Variants in SLC1A6 observed in about 807,000 individuals in gnomAD.
The protein encoded by SLC1A6 is solute carrier family 1 member 6.
In SLC1A6, 15 loss-of-function variants were observed where a neutral mutation model predicts 42.1. That is an observed-to-expected ratio of 0.36 (90% CI 0.24 to 0.55). The LOEUF is 0.55. Among genes scored for constraint, SLC1A6 ranks in the 20% least tolerant of loss-of-function variants. The pLI is 0.88. For synonymous variants in SLC1A6, 317 were observed against 319.7 expected, an observed-to-expected ratio of 0.99 and a Z score of 0.09; for missense variants, 542 against 772.5, an observed-to-expected ratio of 0.70 and a Z score of 3.54.
chr19:14,978,967 C>T (rs1019504805), intron 1 of SLC1A6, among the ~76,000 whole-genome samples: 50 of 151,056 alleles, frequency 3.3e-4, no homozygotes, highest in African/African-American at 1.0e-3. Flanking sequence ...CTTTCAAAAT[C>T]ATCCTCACAT....
At chr19:14,990,753 G>T (rs970462021) in intron 1 of SLC1A6, among the ~76,000 whole-genome samples, 7 of 147,694 alleles carry the variant, frequency 4.7e-5, no homozygotes, top group Admixed American at 6.9e-5. Flanking sequence ...TGGGCAACAA[G>T]AGTGAGACTC....
chr19:14,985,162 G>A (rs963663921), intron 1 of SLC1A6, among the ~76,000 whole-genome samples: 1 of 152,166 alleles, frequency 6.6e-6, no homozygotes, highest in East Asian at 1.9e-4. Context: ...GATTACAGGC[G>A]TAAAAAGTGC....
chr19:14,961,037 A>C (rs992521693), intron 6 of SLC1A6, among the ~76,000 whole-genome samples: 1 of 149,134 alleles, frequency 6.7e-6, no homozygotes, highest in Non-Finnish European at 1.5e-5. Flanking sequence ...TCAGCCTCCC[A>C]AGCAGCTGGG....
intron 3 of SLC1A6, among the ~76,000 whole-genome samples, chr19:14,970,499 CAGG>C (rs1445692345): frequency 6.6e-6 from 1 of 151,722 alleles, no homozygotes; most frequent in Non-Finnish European, 1.5e-5. Flanking sequence ...ATCACGAGGT[CAGG>C]AGATCGAGAC....
chr19:15,004,537 T>TAAA (rs1201036213), intron 1 of SLC1A6, among the ~76,000 whole-genome samples: 1 of 15,260 alleles, frequency 6.6e-5, no homozygotes. Context: ...ACCTCACCTC[T>TAAA]ACAAAAAAAA....
Position 14,971,734 on chromosome 19 carries a change from C to A in SLC1A6, c.343+3G>T. 6.2e-7 allele frequency: 1 copy of A among 1,613,832 alleles called. No individual in the cohort carries two copies. ...AGGCCAACACTGGCCTGGGCTCTCTCACCTGTGACCAGGCTGGAGACAATG... is the reference window on the plus strand; with the variant it reads ...AGGCCAACACTGGCCTGGGCTCTCTAACCTGTGACCAGGCTGGAGACAATG... On this transcript the variant is annotated splice_donor_region_variant and intron_variant, in intron 3 of 9. Transcript: ENST00000594383.
At chr19:15,004,166 A>T (rs1359345204) in intron 1 of SLC1A6, among the ~76,000 whole-genome samples, 1 of 152,158 alleles carries the variant, frequency 6.6e-6, no homozygotes, top group Non-Finnish European at 1.5e-5. Context: ...TAAAAAAATT[A>T]ATAATGCATA....
chr19:14,959,213 T>C (rs550160764), intron 6 of SLC1A6, among the ~76,000 whole-genome samples: 8 of 152,364 alleles, frequency 5.3e-5, no homozygotes, highest in Non-Finnish European at 1.2e-4. Flanking sequence ...GGAATGTTAT[T>C]ACTTTTCTAA....
Position 14,972,804 on chromosome 19 carries a change from C to CGCA in SLC1A6, c.104_106dup (p.Leu35dup). On this transcript the variant is annotated inframe_insertion, in exon 2 of 10. Coordinates refer to ENST00000594383, the MANE Select transcript of SLC1A6 (RefSeq NM_005071.3). ...CATGGTCTGCAGGCGCAGGCGCGTGCGCAGTGCTCTCTGCTGCAGGCTTTC... is the reference window on the plus strand; with the variant it reads ...CATGGTCTGCAGGCGCAGGCGCGTGCGCAGCAGTGCTCTCTGCTGCAGGCTTTC... 1 of 1,612,580 alleles carries CGCA rather than the reference C, an allele frequency of 6.2e-7. No homozygotes were observed.
At chr19:14,985,151 G>A (rs1160400384) in intron 1 of SLC1A6, among the ~76,000 whole-genome samples, 1 of 152,180 alleles carries the variant, frequency 6.6e-6, no homozygotes, top group Non-Finnish European at 1.5e-5. Context: ...CGAAGTGCTG[G>A]GATTACAGGC....
intron 1 of SLC1A6, chr19:14,974,079 A>C (rs1470697605): frequency 6.6e-6 from 1 of 152,226 alleles, no homozygotes; most frequent in Non-Finnish European, 1.5e-5. Flanking sequence ...GTACCGAACC[A>C]GGCGTGGTGG....
upstream of SLC1A6, among the ~76,000 whole-genome samples, chr19:14,981,496 G>A (rs1354246146): frequency 6.6e-6 from 1 of 152,020 alleles, no homozygotes; most frequent in Non-Finnish European, 1.5e-5. Flanking sequence ...TTCTCACTCC[G>A]CTGCTTCAGT....
intron 1 of SLC1A6, among the ~76,000 whole-genome samples, chr19:14,976,385 A>G (rs2045711289): frequency 6.6e-6 from 1 of 152,210 alleles, no homozygotes; most frequent in South Asian, 2.1e-4. Context: ...TTCTTGCTAC[A>G]TTGTTGATTA....
chr19:15,007,964 G>A (rs2045903757), intron 1 of SLC1A6, among the ~76,000 whole-genome samples: 1 of 151,858 alleles, frequency 6.6e-6, no homozygotes, highest in African/African-American at 2.4e-5. Flanking sequence ...AGCAGAGGTT[G>A]CAGTGAGTCG....
chr19:14,999,413 G>A (rs988111940), intron 1 of SLC1A6, among the ~76,000 whole-genome samples: 16 of 152,032 alleles, frequency 1.1e-4, no homozygotes, highest in African/African-American at 2.2e-4. Flanking sequence ...TTTCTGAGTC[G>A]ACCCAATGTA....
chr19:14,996,425 T>C (rs958164140), intron 1 of SLC1A6, among the ~76,000 whole-genome samples: 13 of 152,022 alleles, frequency 8.6e-5, no homozygotes, highest in African/African-American at 2.9e-4. Flanking sequence ...CACTTAGAAA[T>C]ATATACATTA....
chr19:14,994,490 AC>A (rs2045835689), intron 1 of SLC1A6, among the ~76,000 whole-genome samples: 1 of 151,878 alleles, frequency 6.6e-6, no homozygotes, highest in Admixed American at 6.6e-5. Context: ...ACCCCCTACC[AC>A]ACCTTGACCC....
intron 1 of SLC1A6, among the ~76,000 whole-genome samples, chr19:14,993,628 G>T (rs1294922264): frequency 1.2e-4 from 18 of 152,106 alleles, no homozygotes; most frequent in Admixed American, 1.2e-3. Context: ...AAGGGGTAAA[G>T]GAATTTACCA....
chr19:14,973,922 G>A (rs1172731276), intron 1 of SLC1A6: 2 of 152,416 alleles, frequency 1.3e-5, no homozygotes, highest in Non-Finnish European at 2.9e-5. Context: ...GGAATGAAAT[G>A]ATAATGATTC....
Sources: gnomAD v4.1 joint callset for allele counts (sites outside exome capture counted in the v4.1 genomes callset) on GRCh38, gnomAD v4.1.1 for gene constraint, MANE v1.5 for transcripts, NCBI Gene and HGNC (gene_info 2026-07-23, HGNC 2026-07-21) for gene names.